The following CAMTA1 variants were observed in gnomAD, a reference collection of about 807,000 sequenced individuals.
CAMTA1 encodes the protein calmodulin-binding transcription activator 1.
A neutral mutation model predicts 170.9 loss-of-function variants in CAMTA1; 27 were observed. The observed-to-expected ratio is 0.16, with a 90% CI of 0.12 to 0.22. The LOEUF (loss-of-function observed/expected upper bound fraction) is 0.22. Among genes scored for constraint, CAMTA1 ranks in the 10% least tolerant of loss-of-function variants. The pLI is 1.00. For synonymous variants in CAMTA1, 833 were observed against 891.5 expected (o/e 0.93, Z 1.17); for missense variants, 1,619 against 2,217.2 (o/e 0.73, Z 5.42).
chr1:6,855,475 A>T (rs1480290551), intron 3 of CAMTA1, among the ~76,000 whole-genome samples: 3 of 151,712 alleles, frequency 2.0e-5, no homozygotes, highest in African/African-American at 7.3e-5. Context: ...AGAGAGAGAG[A>T]GAGGAGGGGA....
At chr1:7,670,445 C>T (rs1486855502) in intron 9 of CAMTA1, among the ~76,000 whole-genome samples, 4 of 152,190 alleles carry the variant, frequency 2.6e-5, no homozygotes, top group Non-Finnish European at 5.9e-5. Context: ...AACTTCTGGT[C>T]CCTGGGCTGA....
intron 5 of CAMTA1, among the ~76,000 whole-genome samples, chr1:7,284,124 C>CTGT (rs1553121673): frequency 7.3e-6 from 1 of 136,772 alleles, no homozygotes; most frequent in Non-Finnish European, 1.6e-5. Context: ...GTATTTGCTG[C>CTGT]TGTTCTTCTT....
chr1:6,888,295 T>A (rs1212632656), intron 3 of CAMTA1: 10 of 973,234 alleles, frequency 1.0e-5, no homozygotes, highest in Non-Finnish European at 1.2e-5. Context: ...AGTGAAAGTT[T>A]GGAAAGAAGC....
intron 5 of CAMTA1, among the ~76,000 whole-genome samples, chr1:7,467,001 T>G (rs1378819503): frequency 6.6e-6 from 1 of 151,978 alleles, no homozygotes; most frequent in African/African-American, 2.4e-5. Flanking sequence ...GGTGCCCAGC[T>G]CTACACACGC....
At chr1:7,205,192 C>T (rs185968185) in intron 4 of CAMTA1, among the ~76,000 whole-genome samples, 236 of 152,200 alleles carry the variant, frequency 1.6e-3, no homozygotes, top group African/African-American at 5.5e-3. Context: ...ACTGCAACCT[C>T]TGCCTCCTGG....
chr1:6,988,343 T>A (rs1695709555), intron 3 of CAMTA1, among the ~76,000 whole-genome samples: 1 of 152,194 alleles, frequency 6.6e-6, no homozygotes, highest in African/African-American at 2.4e-5. Flanking sequence ...GAGGCAGACC[T>A]AATGAAAACC....
At chr1:7,111,885 CAAAA>C (rs66460647) in intron 4 of CAMTA1, among the ~76,000 whole-genome samples, 1 of 75,636 alleles carries the variant, frequency 1.3e-5, no homozygotes, top group Non-Finnish European at 2.7e-5. Context: ...ACTCCATCTC[CAAAA>C]AAAAAAAAAA....
In CAMTA1 at chr1:7,583,707, C is replaced by T. The variant is rs150303752; in HGVS notation, c.511-56693C>T. Among the ~76,000 whole-genome samples, 35 of 152,262 alleles carry T rather than the reference C, an allele frequency of 2.3e-4. No individual in the cohort carries two copies. The East Asian group carries it at 3.5e-3, about 15-fold the overall frequency. ...TGAGGGTCGTCTGGAGGCTCTGTCC[C>T]GTCCCAAGTCCACTCTGATCCACAA... On this transcript the variant is annotated intron_variant, in intron 6 of 22. Transcript: ENST00000303635.
rs1227269330 is a variant in CAMTA1 at position 7,367,339 on chromosome 1, T to C, written c.439-100491T>C. On this transcript the variant is annotated intron_variant, in intron 5 of 22. Transcript: ENST00000303635. Reference sequence around the variant, plus strand: ...TCCCCTGACATAAAGGAGACCAGACTGCCCCCGTCCCCAGCCCTGCTCACT... The same window carrying C: ...TCCCCTGACATAAAGGAGACCAGACCGCCCCCGTCCCCAGCCCTGCTCACT... Among the ~76,000 whole-genome samples, 11 of 152,366 alleles carry C rather than the reference T, an allele frequency of 7.2e-5. 1 individual carries two copies. The South Asian group carries it at 2.3e-3, about 32-fold the overall frequency.
intron 3 of CAMTA1, among the ~76,000 whole-genome samples, chr1:6,834,854 G>A (rs147422265): frequency 2.9e-3 from 437 of 152,228 alleles, no homozygotes; most frequent in African/African-American, 0.01. Flanking sequence ...GCCCAGGCTG[G>A]TCTTGAACTC....
chr1:7,110,695 C>T (rs1349332999), intron 4 of CAMTA1, among the ~76,000 whole-genome samples: 2 of 152,226 alleles, frequency 1.3e-5, no homozygotes, highest in African/African-American at 4.8e-5. Context: ...AGGAAGGTGG[C>T]TTGTCCTCTG....
intron 6 of CAMTA1, among the ~76,000 whole-genome samples, chr1:7,542,680 CACCA>C (rs2094628153): frequency 6.7e-6 from 1 of 149,954 alleles, no homozygotes; most frequent in South Asian, 2.1e-4. Context: ...AGGTGTGTGC[CACCA>C]TACCTGGCTA....
intron 3 of CAMTA1, among the ~76,000 whole-genome samples, chr1:7,056,935 G>A (rs1041102596): frequency 2.0e-5 from 3 of 152,200 alleles, no homozygotes; most frequent in African/African-American, 7.2e-5. Flanking sequence ...TCTTGGTTAT[G>A]AACCCCAGTG....
chr1:6,909,567 C>T (rs1359002994), intron 3 of CAMTA1, among the ~76,000 whole-genome samples: 1 of 152,196 alleles, frequency 6.6e-6, no homozygotes, highest in African/African-American at 2.4e-5. Flanking sequence ...AGCTGTGCCT[C>T]ACAGGGGTTT....
chr1:7,579,552 C>CTTTTTTT (rs3034816), intron 6 of CAMTA1, among the ~76,000 whole-genome samples: 1,230 of 79,156 alleles, frequency 0.016, 102 homozygotes, highest in Middle Eastern at 0.031. Context: ...CTTTTCTTTT[C>CTTTTTTT]TTTTTTTTTT....
Position 7,435,526 on chromosome 1 carries a change from C to T in CAMTA1, c.439-32304C>T, listed in dbSNP as rs1486319405. 6.6e-6 allele frequency among the ~76,000 whole-genome samples: 1 copy of T among 152,244 alleles called. No homozygotes were observed. The highest frequency in any genetic ancestry group is 1.5e-5 in the Non-Finnish European group (1 of 68,042). ...ATCCCCTCTGTTACCCTGAAGAGAG[C>T]AACCGGCAGTGGGCTCTTCAGGGTT... On this transcript the variant is annotated intron_variant, in intron 5 of 22. Coordinates refer to ENST00000303635, the MANE Select transcript of CAMTA1 (RefSeq NM_015215.4). The surrounding 1 kb of genome is among the most constrained non-coding windows in gnomAD (Gnocchi z 4.4).
intron 5 of CAMTA1, among the ~76,000 whole-genome samples, chr1:7,308,850 A>G (rs1251736753): frequency 6.6e-6 from 1 of 152,198 alleles, no homozygotes; most frequent in East Asian, 1.9e-4. Context: ...TGATGGTGCT[A>G]TTGAGTTGTT....
chr1:7,567,203 C>T (rs751198650), intron 6 of CAMTA1, among the ~76,000 whole-genome samples: 8 of 152,174 alleles, frequency 5.3e-5, no homozygotes, highest in Non-Finnish European at 8.8e-5. Context: ...TAGAAGGGGC[C>T]CATGGTGGCA....
intron 3 of CAMTA1, among the ~76,000 whole-genome samples, chr1:7,009,390 G>C (rs922290228): frequency 1.3e-5 from 2 of 152,190 alleles, no homozygotes; most frequent in Non-Finnish European, 2.9e-5. Context: ...GGGGCAGTGT[G>C]GTTCCAGGAC....
Sources: gnomAD v4.1 joint callset for allele counts (sites outside exome capture counted in the v4.1 genomes callset) on GRCh38, gnomAD v4.1.1 for gene constraint, Gnocchi (gnomAD v3.1) non-coding constraint, MANE v1.5 for transcripts, NCBI Gene and HGNC (gene_info 2026-07-23, HGNC 2026-07-21) for gene names.